The following ZBTB20 variants were observed in gnomAD, a reference collection of about 807,000 sequenced individuals.
ZBTB20 encodes zinc finger and BTB domain-containing protein 20.
ZBTB20 carries 9 observed loss-of-function variants against 56.9 expected under a neutral mutation model. That is an observed-to-expected ratio of 0.16 (90% CI 0.10 to 0.28). The LOEUF (loss-of-function observed/expected upper bound fraction) is 0.28. Ranked by LOEUF, ZBTB20 falls within the 10% of genes least tolerant of loss-of-function variation. The pLI, the probability that ZBTB20 is intolerant of heterozygous loss-of-function variation, is 1.00. For synonymous variants in ZBTB20, 417 were observed against 420.7 expected (o/e 0.99, Z 0.11); for missense variants, 655 against 1,003.0 (o/e 0.65, Z 4.69).
intron 6 of ZBTB20, among the ~76,000 whole-genome samples, chr3:114,594,751 C>A (rs1469615714): frequency 1.3e-5 from 2 of 152,120 alleles, no homozygotes; most frequent in African/African-American, 4.8e-5. Context: ...TTCTAAGCCA[C>A]CCATGGAAAA....
In ZBTB20 at chr3:114,367,780, G is replaced by GAA. The variant is rs5851923; in HGVS notation, c.199+12435_199+12436dup. On this transcript the variant is annotated intron_variant, in intron 10 of 11. Coordinates refer to ENST00000675478, the MANE Select transcript of ZBTB20 (RefSeq NM_001348800.3). Reference sequence around the variant, plus strand: ...CATATTAGTCCTCTTTCATTTTTAGGAAAAAAAAACATACAAATGGGGGAA... The same window carrying GAA: ...CATATTAGTCCTCTTTCATTTTTAGGAAAAAAAAAAACATACAAATGGGGGAA... Among the ~76,000 whole-genome samples the GAA allele has an allele frequency of 6.3e-3, 944 of 150,480 alleles. 14 individuals carry two copies. Among genetic ancestry groups the GAA allele is most frequent in the African/African-American group, 0.022 (906 of 40,986 alleles).
intron 5 of ZBTB20, among the ~76,000 whole-genome samples, chr3:114,746,012 G>A (rs193121411): frequency 2.6e-5 from 4 of 152,278 alleles, no homozygotes; most frequent in South Asian, 2.1e-4. Flanking sequence ...GGCCTATGGC[G>A]TAAAAGCATC....
Position 114,316,388 on chromosome 3 carries a change from CTGTTTG to C in ZBTB20, c.*22611_*22616del, listed in dbSNP as rs1207290419. The C allele has an allele frequency of 2.3e-6, 1 of 437,658 alleles. No individual in the cohort carries two copies. Among genetic ancestry groups the C allele is most frequent in the Admixed American group, 3.0e-5 (1 of 33,542 alleles). 27.1% of individuals were successfully genotyped at this position (437,658 alleles called of 1,614,324 possible). ...GAGTCCAACCTTGTTTCCTCTGCTG[CTGTTTG>C]TGTAGCATCTGGTTTTGTAATGAGC... On this transcript the variant is annotated 3_prime_UTR_variant, in exon 12 of 12. Transcript: ENST00000675478.
intron 5 of ZBTB20, among the ~76,000 whole-genome samples, chr3:114,775,250 T>A (rs2069506937): frequency 2.0e-5 from 3 of 152,012 alleles, no homozygotes; most frequent in Non-Finnish European, 2.9e-5. Flanking sequence ...ACAAAAAAAA[T>A]ATGTTGTATC....
At chr3:114,753,528 G>A (rs527319205) in intron 5 of ZBTB20, among the ~76,000 whole-genome samples, 1 of 151,026 alleles carries the variant, frequency 6.6e-6, no homozygotes, top group African/African-American at 2.4e-5. Flanking sequence ...TCCGCCTCCC[G>A]AGTTCAAGCG....
At chr3:114,681,206 T>C (rs902722216) in intron 6 of ZBTB20, among the ~76,000 whole-genome samples, 2 of 151,380 alleles carry the variant, frequency 1.3e-5, no homozygotes, top group African/African-American at 4.9e-5. Context: ...GTAACCCAGA[T>C]TGCAGTGCAG....
chr3:114,530,758 CTTTT>C (rs1478101329), intron 6 of ZBTB20, among the ~76,000 whole-genome samples: 2 of 152,178 alleles, frequency 1.3e-5, no homozygotes, highest in African/African-American at 4.8e-5. Flanking sequence ...TGGCTGACCT[CTTTT>C]GAGTCAAGTT....
At chr3:114,710,739 G>T (rs1032730582) in intron 5 of ZBTB20, among the ~76,000 whole-genome samples, 1 of 152,058 alleles carries the variant, frequency 6.6e-6, no homozygotes, top group Admixed American at 6.6e-5. Context: ...TGCTCTTCCT[G>T]TATCACCCTG....
At chr3:115,063,005 A>C (rs538309715) in intron 2 of ZBTB20, among the ~76,000 whole-genome samples, 1 of 152,324 alleles carries the variant, frequency 6.6e-6, no homozygotes, top group East Asian at 1.9e-4. Flanking sequence ...CTTAGCCATC[A>C]ATAGTTAATG....
intron 2 of ZBTB20, among the ~76,000 whole-genome samples, chr3:114,996,541 C>A (rs1201994843): frequency 6.6e-6 from 1 of 151,914 alleles, no homozygotes; most frequent in African/African-American, 2.4e-5. Context: ...ATGAACTCAT[C>A]CATTTTTATG....
chr3:114,716,434 A>G (rs2064486199), intron 5 of ZBTB20, among the ~76,000 whole-genome samples: 1 of 152,128 alleles, frequency 6.6e-6, no homozygotes, highest in Non-Finnish European at 1.5e-5. Flanking sequence ...TCACAGACAC[A>G]CTGCACCCAG....
At chr3:114,952,903 G>T (rs911893725) in intron 3 of ZBTB20, among the ~76,000 whole-genome samples, 1 of 151,926 alleles carries the variant, frequency 6.6e-6, no homozygotes, top group African/African-American at 2.4e-5. Flanking sequence ...TATAAACACT[G>T]AACATTAGGA....
intron 5 of ZBTB20, among the ~76,000 whole-genome samples, chr3:114,730,410 G>A (rs952623875): frequency 6.6e-6 from 1 of 152,166 alleles, no homozygotes; most frequent in South Asian, 2.1e-4. Context: ...AGGATTTGTG[G>A]ATATTAGGCA....
intron 6 of ZBTB20, among the ~76,000 whole-genome samples, chr3:114,641,778 T>C (rs1185166934): frequency 6.6e-6 from 1 of 151,964 alleles, no homozygotes; most frequent in Non-Finnish European, 1.5e-5. Flanking sequence ...TTAGTCTACC[T>C]GACATCAAAA....
At chr3:114,999,700 A>AT (rs1323148471) in intron 2 of ZBTB20, among the ~76,000 whole-genome samples, 5 of 151,682 alleles carry the variant, frequency 3.3e-5, no homozygotes, top group African/African-American at 1.2e-4. Context: ...TCTCTTTCCC[A>AT]TAAAGAAAAA....
chr3:114,418,042 A>T (rs2088761441), intron 7 of ZBTB20, among the ~76,000 whole-genome samples: 2 of 152,108 alleles, frequency 1.3e-5, no homozygotes, highest in Non-Finnish European at 2.9e-5. Context: ...CCTATCCTTC[A>T]TAAATGCATA....
intron 5 of ZBTB20, among the ~76,000 whole-genome samples, chr3:114,752,018 C>G (rs1049992383): frequency 6.6e-6 from 1 of 152,088 alleles, no homozygotes; most frequent in Non-Finnish European, 1.5e-5. Context: ...TACTAGTAAT[C>G]ACCAATAAAT....
intron 2 of ZBTB20, among the ~76,000 whole-genome samples, chr3:115,017,374 A>G (rs1404693587): frequency 6.6e-6 from 1 of 151,630 alleles, no homozygotes. Flanking sequence ...CTCATGGAAA[A>G]CTAGAAAGGA....
At chr3:114,936,813 T>C (rs2076550010) in intron 3 of ZBTB20, among the ~76,000 whole-genome samples, 1 of 152,184 alleles carries the variant, frequency 6.6e-6, no homozygotes, top group African/African-American at 2.4e-5. Context: ...ATCATGATTA[T>C]GTACTGTGCC....
Sources: gnomAD v4.1 joint callset for allele counts (sites outside exome capture counted in the v4.1 genomes callset) on GRCh38, gnomAD v4.1.1 for gene constraint, MANE v1.5 for transcripts, NCBI Gene and HGNC (gene_info 2026-07-23, HGNC 2026-07-21) for gene names.